Variants in UIMC1 observed in about 807,000 individuals in gnomAD.
UIMC1 encodes the protein BRCA1-A complex subunit RAP80.
A neutral mutation model predicts 84.9 loss-of-function variants in UIMC1; 42 were observed. That is an observed-to-expected ratio of 0.49 (90% CI 0.39 to 0.64). The LOEUF is 0.64. Ranked by LOEUF, UIMC1 falls within the 30% of genes least tolerant of loss-of-function variation. The pLI is 0.00. For missense variants in UIMC1, 825 were observed against 847.6 expected (o/e 0.97, Z 0.33); for synonymous variants, 281 against 293.0 (o/e 0.96, Z 0.42).
At chr5:176,951,689 G>A in intron 8 of UIMC1, 112 bp from the exon 9 acceptor site, 1 of 665,424 alleles carries the variant, frequency 1.5e-6, no homozygotes, top group East Asian at 2.9e-5. Context: ...ATACTGTGGT[G>A]GCAATATATT....
intron 6 of UIMC1, among the ~76,000 whole-genome samples, chr5:176,961,958 C>T (rs1245225060): frequency 3.7e-3 from 227 of 62,092 alleles, no homozygotes; most frequent in African/African-American, 0.016. Context: ...GTCGGCCCCC[C>T]GCCCGGCCAG....
At chr5:177,013,777 G>T (rs1276886775) in intron 1 of UIMC1, among the ~76,000 whole-genome samples, 5 of 152,180 alleles carry the variant, frequency 3.3e-5, no homozygotes, top group African/African-American at 1.2e-4. Context: ...AAGTCCAAAG[G>T]AAACTGGGCA....
intron 1 of UIMC1, among the ~76,000 whole-genome samples, chr5:176,998,045 C>G (rs1773886580): frequency 6.6e-6 from 1 of 152,080 alleles, no homozygotes; most frequent in Non-Finnish European, 1.5e-5. Context: ...AATCAGTTAA[C>G]ACAGTTTTAA....
chr5:176,992,464 A>T (rs933668258), intron 1 of UIMC1, among the ~76,000 whole-genome samples: 3 of 107,372 alleles, frequency 2.8e-5, no homozygotes, highest in Admixed American at 8.5e-5. Context: ...GTCTCAGTTT[A>T]AAAAAAAAAA....
intron 6 of UIMC1, 87 bp downstream of exon 6, chr5:176,968,468 G>A (rs116021887): frequency 0.013 from 18,945 of 1,497,624 alleles, 150 homozygotes; most frequent in South Asian, 0.025. Flanking sequence ...AATCAAGGAG[G>A]GGAAGACCAC....
intron 1 of UIMC1, among the ~76,000 whole-genome samples, chr5:176,998,522 C>T (rs545013030): frequency 6.5e-4 from 95 of 146,794 alleles, no homozygotes; most frequent in African/African-American, 2.4e-3. Flanking sequence ...AATCCTACCA[C>T]TTTGGGAGGC....
At chr5:176,911,697 G>C (rs1760238147) in intron 10 of UIMC1, among the ~76,000 whole-genome samples, 1 of 152,160 alleles carries the variant, frequency 6.6e-6, no homozygotes, top group South Asian at 2.1e-4. Flanking sequence ...CAGCACTCAA[G>C]GGAGGGATTT....
intron 10 of UIMC1, among the ~76,000 whole-genome samples, chr5:176,938,464 T>A (rs1353241900): frequency 1.3e-5 from 2 of 152,052 alleles, no homozygotes; most frequent in African/African-American, 4.8e-5. Flanking sequence ...TCTGCATAAT[T>A]CCTCTACTTC....
intron 6 of UIMC1, among the ~76,000 whole-genome samples, chr5:176,965,033 T>C (rs1768063751): frequency 6.6e-6 from 1 of 152,204 alleles, no homozygotes; most frequent in Admixed American, 6.5e-5. Flanking sequence ...GTGCCAAGTC[T>C]GCAGGGAGAA....
At chr5:176,942,344 C>T (rs929936879) in intron 10 of UIMC1, among the ~76,000 whole-genome samples, 2 of 152,156 alleles carry the variant, frequency 1.3e-5, no homozygotes, top group African/African-American at 2.4e-5. Context: ...TCAAGTTCCA[C>T]AGGAATCTCA....
intron 1 of UIMC1, among the ~76,000 whole-genome samples, chr5:176,988,614 G>A (rs188697906): frequency 6.6e-6 from 1 of 151,552 alleles, no homozygotes; most frequent in African/African-American, 2.4e-5. Flanking sequence ...ACAACACTGT[G>A]AATTTATTAA....
intron 2 of UIMC1, among the ~76,000 whole-genome samples, chr5:176,976,065 G>T (rs887712628): frequency 3.9e-5 from 6 of 152,164 alleles, no homozygotes; most frequent in Non-Finnish European, 8.8e-5. Context: ...TTGGGAGGCT[G>T]AAGTGGGAGA....
intron 6 of UIMC1, among the ~76,000 whole-genome samples, chr5:176,959,715 CAAAAAAAAAAAA>C (rs1169116401): frequency 0.024 from 1,320 of 53,916 alleles, 12 homozygotes; most frequent in Middle Eastern, 0.078. Context: ...GACTCCGTCT[CAAAAAAAAAAAA>C]AAAAAAAAAA....
intron 1 of UIMC1, among the ~76,000 whole-genome samples, chr5:177,003,169 T>C (rs1044108714): frequency 6.6e-6 from 1 of 152,142 alleles, no homozygotes; most frequent in Non-Finnish European, 1.5e-5. Flanking sequence ...AGCTTATTTC[T>C]ATAATTTTAA....
At chr5:176,937,225 G>T (rs551485155) in intron 10 of UIMC1, among the ~76,000 whole-genome samples, 67 of 152,128 alleles carry the variant, frequency 4.4e-4, no homozygotes, top group Non-Finnish European at 8.5e-4. Context: ...GGCCAGGTGC[G>T]GTGGCTCACG....
intron 10 of UIMC1, among the ~76,000 whole-genome samples, chr5:176,912,752 G>A (rs1163248258): frequency 6.6e-6 from 1 of 151,622 alleles, no homozygotes; most frequent in African/African-American, 2.4e-5. Context: ...TGCAACCTCC[G>A]CCTCCCGAGT....
At chr5:176,997,522 A>C (rs1773778491) in intron 1 of UIMC1, among the ~76,000 whole-genome samples, 1 of 151,960 alleles carries the variant, frequency 6.6e-6, no homozygotes, top group African/African-American at 2.4e-5. Context: ...GTTTCTACTA[A>C]AATTACAAAA....
intron 9 of UIMC1, among the ~76,000 whole-genome samples, chr5:176,943,706 C>T (rs1393875149): frequency 6.6e-6 from 1 of 152,164 alleles, no homozygotes; most frequent in Admixed American, 6.5e-5. Context: ...ACATGTATTA[C>T]TCGTTTATCA....
intron 1 of UIMC1, 69 bp from the exon 2 acceptor site, chr5:176,982,692 T>C (rs1164972680): frequency 3.4e-6 from 5 of 1,492,110 alleles, no homozygotes; most frequent in East Asian, 2.4e-5. Context: ...ATAAGTTTTC[T>C]AGAAGCTATT....
Sources: gnomAD v4.1 joint callset for allele counts (sites outside exome capture counted in the v4.1 genomes callset) on GRCh38, gnomAD v4.1.1 for gene constraint, MANE v1.5 for transcripts, NCBI Gene and HGNC (gene_info 2026-07-23, HGNC 2026-07-21) for gene names.